RABEP1: variants seen among roughly 807,000 people sequenced by gnomAD.
RABEP1 encodes rabaptin, RAB GTPase binding effector protein 1.
In RABEP1, 51 loss-of-function variants were observed where a neutral mutation model predicts 123.4. The ratio of observed to expected loss-of-function variants is 0.41; its 90% confidence interval spans 0.33 to 0.52. RABEP1 has a LOEUF of 0.52. RABEP1 is among the 20% of genes least tolerant of loss of function. The probability of loss-of-function intolerance (pLI) is 0.16; values close to 1 mark genes in which losing one functional copy is unlikely to be tolerated. For missense variants in RABEP1, 888 were observed against 996.3 expected, an observed-to-expected ratio of 0.89 and a Z score of 1.46; for synonymous variants, 347 against 355.2, an observed-to-expected ratio of 0.98 and a Z score of 0.26.
rs1254732981 is a variant in RABEP1 at position 5,326,935 on chromosome 17, C to T, written c.164-5014C>T. On this transcript the variant is annotated intron_variant, in intron 2 of 17. Transcript: ENST00000537505. Reference sequence around the variant, plus strand: ...TGACAAAAACCTAGATGTTATATAGCCTACTACACATGTAGGCTACATGGT... The same window carrying T: ...TGACAAAAACCTAGATGTTATATAGTCTACTACACATGTAGGCTACATGGT... Among the ~76,000 whole-genome samples the T allele has an allele frequency of 3.9e-5, 6 of 152,194 alleles. No individual in the cohort carries two copies. In the East Asian group the frequency reaches 9.6e-4, roughly 24 times the overall value.
chr17:5,330,897 G>T lies in RABEP1; in HGVS notation c.164-1052G>T, dbSNP rs908379680. ...AAATTAGCCGGGCGTGATGGTGCAT[G>T]CCTGCAGTCCTAGCTACTCAGGAGG... On this transcript the variant is annotated intron_variant, in intron 2 of 17. Transcript: ENST00000537505. 2.0e-5 allele frequency among the ~76,000 whole-genome samples: 3 copies of T among 152,010 alleles called. No homozygotes were observed. In the East Asian group the frequency reaches 5.8e-4, roughly 29 times the overall value.
At chr17:5,351,699 G>A (rs1015398089) in intron 7 of RABEP1, among the ~76,000 whole-genome samples, 2 of 152,160 alleles carry the variant, frequency 1.3e-5, no homozygotes, top group African/African-American at 4.8e-5. Context: ...CTACTTGGGA[G>A]GCTGAGGTGG....
At chr17:5,300,438 T>C (rs574525298) in intron 1 of RABEP1, among the ~76,000 whole-genome samples, 2 of 152,196 alleles carry the variant, frequency 1.3e-5, no homozygotes, top group Non-Finnish European at 2.9e-5. Context: ...CAAGGTTACA[T>C]ACATGGCTTA....
chr17:5,370,965 C>CT (rs58556047), intron 12 of RABEP1, among the ~76,000 whole-genome samples: 21,114 of 144,644 alleles, frequency 0.15, 2,111 homozygotes, highest in African/African-American at 0.29. Context: ...ATTTGTTTCT[C>CT]TTTTTTTTTT....
chr17:5,290,262 G>T (rs943866630), intron 1 of RABEP1, among the ~76,000 whole-genome samples: 3 of 152,068 alleles, frequency 2.0e-5, no homozygotes, highest in Non-Finnish European at 4.4e-5. Flanking sequence ...TAATTTTTTT[G>T]TATTTTTAGT....
chr17:5,386,200 G>T lies in RABEP1; in HGVS notation c.*2977G>T. ...CAGTTCAGGTGTGAGTCAGCTCCTG[G>T]TGGTGTCAGAAGTTTACATGATTGC... On this transcript the variant is annotated 3_prime_UTR_variant, in exon 18 of 18. Transcript: ENST00000537505. 1 of 1,611,032 alleles carries T rather than the reference G, an allele frequency of 6.2e-7. No individual in the cohort carries two copies. Among genetic ancestry groups the T allele is most frequent in the Non-Finnish European group, 8.5e-7 (1 of 1,177,884 alleles).
At chr17:5,361,898 G>T (rs531151298) in intron 9 of RABEP1, 254 of 512,368 alleles carry the variant, frequency 5.0e-4, no homozygotes, top group Middle Eastern at 5.2e-4. Flanking sequence ...CACAGTGAAT[G>T]TGAACCTCCC....
chr17:5,368,911 A>G (rs1386794176), intron 12 of RABEP1, among the ~76,000 whole-genome samples: 1 of 152,088 alleles, frequency 6.6e-6, no homozygotes, highest in African/African-American at 2.4e-5. Context: ...GATTGAGACC[A>G]TCCTGTCTAA....
chr17:5,316,852 A>AT, intron 2 of RABEP1, among the ~76,000 whole-genome samples: 8 of 151,028 alleles, frequency 5.3e-5, no homozygotes, highest in African/African-American at 1.9e-4. Flanking sequence ...AAAAAAAAAA[A>AT]AAAATATAAG....
chr17:5,384,751 G>A lies in RABEP1; in HGVS notation c.*1528G>A, dbSNP rs1006151320. Reference sequence around the variant, plus strand: ...ATGGAAATAGTACTAAAGGCTTGCCGCACATGAAACATTATTTTAATTGGT... The same window carrying A: ...ATGGAAATAGTACTAAAGGCTTGCCACACATGAAACATTATTTTAATTGGT... On this transcript the variant is annotated 3_prime_UTR_variant, in exon 18 of 18. Coordinates refer to ENST00000537505, the MANE Select transcript of RABEP1 (RefSeq NM_004703.6). 3.8e-5 allele frequency: 7 copies of A among 185,478 alleles called. No homozygotes were observed. The highest frequency in any genetic ancestry group is 3.0e-4 in the South Asian group (1 of 3,290). 11.5% of individuals were successfully genotyped at this position (185,478 alleles called of 1,614,324 possible). A position where few individuals can be genotyped will look rare whatever the true frequency, so the allele number is the denominator to read the frequency against.
chr17:5,297,748 T>A (rs2075096884), intron 1 of RABEP1, among the ~76,000 whole-genome samples: 1 of 152,204 alleles, frequency 6.6e-6, no homozygotes, highest in Admixed American at 6.5e-5. Context: ...TAGTCCCCCT[T>A]GTTACAGATG....
intron 14 of RABEP1, among the ~76,000 whole-genome samples, chr17:5,377,878 T>C (rs1276822239): frequency 6.6e-6 from 1 of 152,154 alleles, no homozygotes; most frequent in Admixed American, 6.5e-5. Context: ...TATTCATAGA[T>C]AGGATTCTCA....
intron 12 of RABEP1, among the ~76,000 whole-genome samples, chr17:5,372,096 C>A (rs1910568806): frequency 6.6e-6 from 1 of 151,816 alleles, no homozygotes; most frequent in Non-Finnish European, 1.5e-5. Flanking sequence ...TATGAAATAC[C>A]TAAAATTGTT....
chr17:5,379,121 G>T (rs1214114627), intron 15 of RABEP1, among the ~76,000 whole-genome samples: 4 of 152,122 alleles, frequency 2.6e-5, no homozygotes, highest in Non-Finnish European at 5.9e-5. Context: ...TCCTCACAGT[G>T]GCAGTTTCAG....
At chr17:5,283,767 G>C (rs181690140) in intron 1 of RABEP1, 13 of 152,282 alleles carry the variant, frequency 8.5e-5, no homozygotes, top group African/African-American at 2.6e-4. Context: ...TGCTCTCTGG[G>C]AAATGTGCTT....
chr17:5,370,965 CTT>C (rs58556047), intron 12 of RABEP1, among the ~76,000 whole-genome samples: 6 of 144,688 alleles, frequency 4.1e-5, no homozygotes, highest in Admixed American at 7.0e-5. Context: ...ATTTGTTTCT[CTT>C]TTTTTTTTTT....
At chr17:5,352,385 G>T (rs142763223) in intron 7 of RABEP1, among the ~76,000 whole-genome samples, 2,480 of 151,374 alleles carry the variant, frequency 0.016, 56 homozygotes, top group African/African-American at 0.057. Flanking sequence ...TAGAGACAGG[G>T]TTTCACTACG....
intron 10 of RABEP1, among the ~76,000 whole-genome samples, chr17:5,363,913 C>A (rs1287742423): frequency 2.0e-5 from 3 of 152,174 alleles, no homozygotes; most frequent in African/African-American, 7.2e-5. Context: ...TGTAGAAATT[C>A]ATGAGAGTGG....
At position 5,385,180 on chromosome 17, in the gene RABEP1, T is replaced by C. The variant is rs562522459; in HGVS notation, c.*1957T>C. On this transcript the variant is annotated 3_prime_UTR_variant, in exon 18 of 18. Transcript: ENST00000537505. Reference sequence around the variant, plus strand: ...AACCCAAACTGAGACTCTTAAGTTTTGTTTAGCAATGTGTTTCTGGTATGA... The same window carrying C: ...AACCCAAACTGAGACTCTTAAGTTTCGTTTAGCAATGTGTTTCTGGTATGA... The C allele has an allele frequency of 2.6e-5, 6 of 229,940 alleles. No homozygotes were observed. In the South Asian group the frequency reaches 1.1e-3, roughly 42 times the overall value. The allele number at this position is 229,940 out of a possible 1,614,324, so 14.2% of individuals were successfully genotyped here. A position where few individuals can be genotyped will look rare whatever the true frequency, so the allele number is the denominator to read the frequency against.
Sources: gnomAD v4.1 joint callset for allele counts (sites outside exome capture counted in the v4.1 genomes callset) on GRCh38, gnomAD v4.1.1 for gene constraint, MANE v1.5 for transcripts, NCBI Gene and HGNC (gene_info 2026-07-23, HGNC 2026-07-21) for gene names.